The following TRIM2 variants were observed in gnomAD, a reference collection of about 807,000 sequenced individuals.
TRIM2 encodes tripartite motif containing 2, also known as tripartite motif-containing protein 2.
TRIM2 carries 20 observed loss-of-function variants against 75.2 expected under a neutral mutation model. The ratio of observed to expected loss-of-function variants is 0.27; its 90% CI spans 0.19 to 0.39. TRIM2 has a LOEUF of 0.39. Among genes scored for constraint, TRIM2 ranks in the 10% least tolerant of loss-of-function variants. The pLI, the probability that TRIM2 is intolerant of heterozygous loss-of-function variation, is 1.00. For missense variants in TRIM2, 660 were observed against 990.8 expected, an observed-to-expected ratio of 0.67 and a Z score of 4.48; for synonymous variants, 373 against 388.3, an observed-to-expected ratio of 0.96 and a Z score of 0.46.
Position 153,337,506 on chromosome 4 carries a change from A to AT in TRIM2, c.*2546dup, listed in dbSNP as rs1169782849. On this transcript the variant is annotated 3_prime_UTR_variant, in exon 12 of 12. Coordinates refer to ENST00000338700, the MANE Select transcript of TRIM2 (RefSeq NM_015271.5). ...CTATGAGCACTCCAGGAAACACTAT[A>AT]TTTTTTCCAAAAAATATGTGATTAT... is the stretch of plus-strand genomic sequence containing the variant. The AT allele has an allele frequency of 1.0e-5, 10 of 985,848 alleles. No individual in the cohort carries two copies. The highest frequency in any genetic ancestry group is 1.2e-5 in the Non-Finnish European group (10 of 829,936). The allele number at this position is 985,848 out of a possible 1,614,324, so 61.1% of individuals were successfully genotyped here. A position where few individuals can be genotyped will look rare whatever the true frequency, so the allele number is the denominator to read the frequency against.
intron 2 of TRIM2, among the ~76,000 whole-genome samples, chr4:153,272,485 T>A (rs1756955790): frequency 6.6e-6 from 1 of 150,892 alleles, no homozygotes; most frequent in African/African-American, 2.4e-5. Flanking sequence ...TTATTAATTA[T>A]TTATTAATTT....
chr4:153,181,066 G>A (rs1022400160), intron 1 of TRIM2, among the ~76,000 whole-genome samples: 1 of 152,180 alleles, frequency 6.6e-6, no homozygotes, highest in Non-Finnish European at 1.5e-5. Context: ...CAGGGTGGGT[G>A]TTTGTAATTC....
chr4:153,164,885 A>G (rs1043236105), intron 1 of TRIM2, among the ~76,000 whole-genome samples: 45 of 152,142 alleles, frequency 3.0e-4, no homozygotes, highest in African/African-American at 1.1e-3. Context: ...AGTTTACTAT[A>G]GTTGTGTTTC....
At chr4:153,178,904 A>T (rs1208713348) in intron 1 of TRIM2, among the ~76,000 whole-genome samples, 1 of 152,222 alleles carries the variant, frequency 6.6e-6, no homozygotes, top group East Asian at 1.9e-4. Context: ...ATCTGCCAGA[A>T]GTTTTCTGAA....
upstream of TRIM2, among the ~76,000 whole-genome samples, chr4:153,201,579 A>G (rs1734370724): frequency 6.6e-6 from 1 of 152,048 alleles, no homozygotes; most frequent in Non-Finnish European, 1.5e-5. Context: ...TCTGAGCACT[A>G]GGGAGGCCCA....
chr4:153,152,584 G>A (rs1312531961), upstream of TRIM2: 3 of 151,934 alleles, frequency 2.0e-5, no homozygotes, highest in African/African-American at 4.8e-5. Context: ...CCAAATCGAC[G>A]AGGAACTGCC....
Position 153,290,235 on chromosome 4 carries a change from A to C in TRIM2, c.454-2747A>C, listed in dbSNP as rs28493070. 4.6e-3 allele frequency among the ~76,000 whole-genome samples: 694 copies of C among 152,354 alleles called. 4 individuals carry two copies. The highest frequency in any genetic ancestry group is 0.014 in the African/African-American group (590 of 41,582). ...GCCTTCTGCCAGCCCTTTGAAAAAC[A>C]GGAAACTTCTTGGATTAAGAATTTT... On this transcript the variant is annotated intron_variant, in intron 3 of 11. Transcript: ENST00000338700.
intron 1 of TRIM2, among the ~76,000 whole-genome samples, chr4:153,171,840 CT>C (rs398064151): frequency 1.2e-3 from 134 of 114,726 alleles, no homozygotes; most frequent in South Asian, 3.3e-3. Context: ...CGTTTTGGGG[CT>C]TTTTTTTTTT....
At chr4:153,291,709 G>A (rs1218712383) in intron 3 of TRIM2, among the ~76,000 whole-genome samples, 1 of 152,054 alleles carries the variant, frequency 6.6e-6, no homozygotes, top group Non-Finnish European at 1.5e-5. Context: ...GTCATTGTCA[G>A]GGTCATATTT....
rs1772793671 is a variant in TRIM2, at chr4:153,339,003, T to C, written c.*4037T>C. ...TTTTAGATTTTGTACATTCCATCTTTATAGGTCTGTTTCATATGTTTTATG... is the reference window on the plus strand; with the variant it reads ...TTTTAGATTTTGTACATTCCATCTTCATAGGTCTGTTTCATATGTTTTATG... On this transcript the variant is annotated 3_prime_UTR_variant, in exon 12 of 12. Transcript: ENST00000338700. The C allele has an allele frequency of 1.0e-6, 1 of 985,596 alleles. No homozygotes were observed. The highest frequency in any genetic ancestry group is 6.2e-5 in the Admixed American group (1 of 16,254). The allele number at this position is 985,596 out of a possible 1,614,324, so 61.1% of individuals were successfully genotyped here.
intron 1 of TRIM2, among the ~76,000 whole-genome samples, chr4:153,212,191 G>A (rs539850714): frequency 6.6e-6 from 1 of 152,278 alleles, no homozygotes; most frequent in East Asian, 1.9e-4. Context: ...TATACACCAT[G>A]GAATACTACT....
intron 1 of TRIM2, among the ~76,000 whole-genome samples, chr4:153,228,080 G>A (rs1167989734): frequency 1.3e-5 from 2 of 152,148 alleles, no homozygotes; most frequent in Non-Finnish European, 1.5e-5. Flanking sequence ...CTTATTTAGC[G>A]TGACCAGTGA....
In TRIM2 at chr4:153,312,197, G is replaced by A. The variant is rs1766517845; in HGVS notation, c.1511-3288G>A. On this transcript the variant is annotated intron_variant, in intron 6 of 11. Coordinates refer to ENST00000338700, the MANE Select transcript of TRIM2 (RefSeq NM_015271.5). The stretch of plus-strand genomic sequence containing the variant: ...TTTTGTTCTTGCGATAGTTTACTGA[G>A]AATGATGATTTCCAATTTTATCCAT... Among the ~76,000 whole-genome samples the A allele has an allele frequency of 2.6e-5, 4 of 151,448 alleles. No individual in the cohort carries two copies. The South Asian group carries it at 8.3e-4, about 31-fold the overall frequency.
chr4:153,315,758 G>C lies in TRIM2; in HGVS notation c.1615-74G>C. ...TGTTCTGATCTCTGTATGTATGGCAGATGTTTCTGCCTATGCCTTCCTCAG... is the reference window on the plus strand; with the variant it reads ...TGTTCTGATCTCTGTATGTATGGCACATGTTTCTGCCTATGCCTTCCTCAG... On this transcript the variant is annotated intron_variant, in intron 7 of 11. Coordinates refer to ENST00000338700, the MANE Select transcript of TRIM2 (RefSeq NM_015271.5). The C allele has an allele frequency of 1.9e-6, 3 of 1,562,940 alleles. No homozygotes were observed. The South Asian group carries it at 3.4e-5, about 17-fold the overall frequency.
Position 153,260,700 on chromosome 4 carries a change from C to T in TRIM2, c.31-9635C>T, listed in dbSNP as rs35067390. Among the ~76,000 whole-genome samples, 33 of 67,916 alleles carry T rather than the reference C, an allele frequency of 4.9e-4. 1 individual carries two copies. The highest frequency in any genetic ancestry group is 1.2e-3 in the African/African-American group (30 of 24,220). The allele number at this position is 67,916 out of a possible 152,430, so 44.6% of individuals were successfully genotyped here. ...CCCACCCACACACCCACCCCCCCCC[C>T]CACACACACACACACACACACACAC... On this transcript the variant is annotated intron_variant, in intron 1 of 11. Coordinates refer to ENST00000338700, the MANE Select transcript of TRIM2 (RefSeq NM_015271.5).
At chr4:153,258,129 C>A (rs901754572) in intron 1 of TRIM2, among the ~76,000 whole-genome samples, 69 of 152,136 alleles carry the variant, frequency 4.5e-4, no homozygotes, top group Middle Eastern at 3.4e-3. Context: ...TCCTCGCTGC[C>A]CCAGGGTAGA....
chr4:153,244,179 T>TCTTCTTCTTCTC lies in TRIM2; in HGVS notation c.31-26154_31-26153insTCTTCTTCTCCT, dbSNP rs1491206241. Among the ~76,000 whole-genome samples, 3 of 138,420 alleles carry TCTTCTTCTTCTC rather than the reference T, an allele frequency of 2.2e-5. 1 individual carries two copies. The highest frequency in any genetic ancestry group is 5.6e-5 in the African/African-American group (2 of 35,732). The allele number at this position is 138,420 out of a possible 152,430, so 90.8% of individuals were successfully genotyped here. On this transcript the variant is annotated intron_variant, in intron 1 of 11. Transcript: ENST00000338700. ...TTCTTCTTCTTCTTCTTCTTCTTCT[T>TCTTCTTCTTCTC]CTCCTCCTTCTTCTTCTCCTCCTTT...
At chr4:153,260,682 A>AC (rs1234618017) in intron 1 of TRIM2, among the ~76,000 whole-genome samples, 1 of 38,554 alleles carries the variant, frequency 2.6e-5, no homozygotes, top group Non-Finnish European at 5.5e-5. Context: ...ACACCCACCC[A>AC]CACACCCACC....
At chr4:153,206,368 G>A (rs890548166) in intron 1 of TRIM2, among the ~76,000 whole-genome samples, 2 of 152,166 alleles carry the variant, frequency 1.3e-5, no homozygotes, top group Non-Finnish European at 1.5e-5. Flanking sequence ...TTGACTTCTT[G>A]GGGTCACTGT....
Sources: allele counts gnomAD v4.1 joint callset (sites outside exome capture counted in the v4.1 genomes callset), GRCh38; gene constraint gnomAD v4.1.1; transcripts MANE v1.5; gene names NCBI Gene and HGNC (gene_info 2026-07-23, HGNC 2026-07-21).